Variants in IL37 observed in about 807,000 individuals in gnomAD.
The protein encoded by IL37 is interleukin-37.
Under a neutral mutation model 15.4 loss-of-function variants are expected in IL37, and 15 were observed. That is an observed-to-expected ratio of 0.98 (90% CI 0.65 to 1.50). The LOEUF (loss-of-function observed/expected upper bound fraction) is 1.50, where lower values mean the gene tolerates loss of function less well. Among genes scored for constraint, IL37 ranks in the 40% most tolerant of loss-of-function variants. The pLI is 0.00. For synonymous variants in IL37, 98 were observed against 97.4 expected (o/e 1.01, Z -0.03); for missense variants, 269 against 261.7 (o/e 1.03, Z -0.19).
chr2:112,916,395 C>G (rs953686553), intron 3 of IL37, among the ~76,000 whole-genome samples: 3 of 152,190 alleles, frequency 2.0e-5, no homozygotes, highest in African/African-American at 7.2e-5. Flanking sequence ...TCTAGGCAGG[C>G]CTGGCCCAAA....
At chr2:112,917,559 GC>G in intron 4 of IL37, 75 bp from the exon 5 acceptor site, 1 of 1,426,368 alleles carries the variant, frequency 7.0e-7, no homozygotes, top group Non-Finnish European at 9.5e-7. Context: ...TGTGCATCAG[GC>G]CTGAAACCCC....
chr2:112,913,258 G>A (rs1683217974), intron 2 of IL37, among the ~76,000 whole-genome samples, 164 bp downstream of exon 2: 1 of 152,226 alleles, frequency 6.6e-6, no homozygotes, highest in South Asian at 2.1e-4. Flanking sequence ...TTCTGGAAGG[G>A]AAAAGGAAGC....
chr2:112,918,851 A>G lies in IL37; in HGVS notation c.*42A>G, dbSNP rs201676487. 749 of 1,578,390 alleles carry G rather than the reference A, an allele frequency of 4.7e-4. 1 individual carries two copies. The highest frequency in any genetic ancestry group is 6.1e-4 in the Non-Finnish European group (712 of 1,159,306). Reference sequence around the variant, plus strand: ...ACGCCTTCCTCGCTAATTTGAACTAATTGTATAAAAACACCAAACCTGCTC... The same window carrying G: ...ACGCCTTCCTCGCTAATTTGAACTAGTTGTATAAAAACACCAAACCTGCTC... On this transcript the variant is annotated 3_prime_UTR_variant, in exon 6 of 6. Transcript: ENST00000263326.
chr2:112,918,813 A>G lies in IL37; in HGVS notation c.*4A>G, dbSNP rs1376938826. On this transcript the variant is annotated 3_prime_UTR_variant, in exon 6 of 6. Transcript: ENST00000263326. ...CCCCAGTGAGGTCAGCGATTAGGAA[A>G]CTGCCCCATTGAACGCCTTCCTCGC... 1.2e-6 allele frequency: 2 copies of G among 1,607,150 alleles called. No homozygotes were observed. The highest frequency in any genetic ancestry group is 1.1e-5 in the South Asian group (1 of 90,938).
At chr2:112,917,290 AG>A in intron 4 of IL37, 42 bp downstream of exon 4, 3 of 1,609,396 alleles carry the variant, frequency 1.9e-6, no homozygotes, top group Non-Finnish European at 2.5e-6. Context: ...TCCACCTAGC[AG>A]GGGTAAGGCC....
intron 3 of IL37, among the ~76,000 whole-genome samples, chr2:112,914,293 C>T (rs886209801): frequency 6.6e-6 from 1 of 152,184 alleles, no homozygotes; most frequent in African/African-American, 2.4e-5. Context: ...CCACAACACC[C>T]TAATAGGAAA....
chr2:112,917,706 G>T lies in IL37; in HGVS notation c.337G>T (p.Val113Phe), dbSNP rs748515156. ...AEKGSPILLGVSKGEFCLYCD... is the reference protein window; with the variant it reads ...AEKGSPILLGFSKGEFCLYCD... ...GAAAGGAAGTCCGATTCTCCTGGGG[G>T]TCTCTAAAGGGGAGTTTTGTCTCTA... Residue 113 changes from valine (V) to phenylalanine (F), a missense_variant, in exon 5 of 6, where the codon GTC becomes TTC. Coordinates refer to ENST00000263326, the MANE Select transcript of IL37 (RefSeq NM_014439.4). The T allele has an allele frequency of 1.2e-6, 2 of 1,613,618 alleles. No individual in the cohort carries two copies. The highest frequency in any genetic ancestry group is 1.3e-5 in the African/African-American group (1 of 75,014).
chr2:112,915,869 G>A (rs979403834), intron 3 of IL37, among the ~76,000 whole-genome samples: 2 of 152,198 alleles, frequency 1.3e-5, no homozygotes, highest in African/African-American at 4.8e-5. Context: ...CTGCTCCTGG[G>A]GAGCTTACAG....
chr2:112,918,850 A>G lies in IL37; in HGVS notation c.*41A>G. On this transcript the variant is annotated 3_prime_UTR_variant, in exon 6 of 6. Transcript: ENST00000263326. ...AACGCCTTCCTCGCTAATTTGAACT[A>G]ATTGTATAAAAACACCAAACCTGCT... is the stretch of plus-strand genomic sequence containing the variant. 1.3e-6 allele frequency: 2 copies of G among 1,578,632 alleles called. No individual in the cohort carries two copies. The highest frequency in any genetic ancestry group is 2.3e-5 in the East Asian group (1 of 44,430).
chr2:112,917,546 G>A, intron 4 of IL37, 89 bp from the exon 5 acceptor site: 8 of 1,293,102 alleles, frequency 6.2e-6, no homozygotes, highest in Non-Finnish European at 7.5e-6. Flanking sequence ...AAGGGAGAGG[G>A]ACTGTGCATC....
At chr2:112,916,943 A>T (rs2104978805) in intron 3 of IL37, among the ~76,000 whole-genome samples, 186 bp from the exon 4 acceptor site, 1 of 152,356 alleles carries the variant, frequency 6.6e-6, no homozygotes, top group South Asian at 2.1e-4. Context: ...TTGCTTGCAC[A>T]GAAAGCTTAA....
intron 3 of IL37, among the ~76,000 whole-genome samples, 199 bp downstream of exon 3, chr2:112,914,053 G>A (rs978749891): frequency 3.3e-5 from 5 of 152,138 alleles, no homozygotes; most frequent in Non-Finnish European, 7.4e-5. Flanking sequence ...CCGGGGAGGG[G>A]CAGGTGATGC....
chr2:112,911,288 A>G (rs1045384448), intron 1 of IL37, among the ~76,000 whole-genome samples, 40 bp downstream of exon 1: 1 of 152,302 alleles, frequency 6.6e-6, no homozygotes. Flanking sequence ...GGCCAACAGG[A>G]TGGATGGGGA....
chr2:112,917,875 G>A, intron 5 of IL37, 98 bp downstream of exon 5: 1 of 1,320,918 alleles, frequency 7.6e-7, no homozygotes, highest in South Asian at 1.2e-5. Flanking sequence ...TCTTATCTTG[G>A]CCAATATAAC....
intron 3 of IL37, among the ~76,000 whole-genome samples, chr2:112,916,184 T>C (rs1408116260): frequency 6.6e-6 from 1 of 152,244 alleles, no homozygotes; most frequent in East Asian, 1.9e-4. Context: ...ACCCATATTA[T>C]AGCTTCACAT....
intron 3 of IL37, chr2:112,915,402 C>G: frequency 1.5e-6 from 1 of 676,116 alleles, no homozygotes. Context: ...CCAGGTGATT[C>G]CCAGTGTGCA....
chr2:112,918,193 T>A (rs1247782720), intron 5 of IL37, among the ~76,000 whole-genome samples: 1 of 23,656 alleles, frequency 4.2e-5, no homozygotes, highest in Non-Finnish European at 3.4e-3. Context: ...TAGTCCTGGA[T>A]GGAGCACCTT....
rs1324701976 is a variant in IL37 at position 112,911,259 on chromosome 2, C to G, written c.-51+11C>G. On this transcript the variant is annotated intron_variant, in intron 1 of 5. Transcript: ENST00000263326. ...GGATCCCTGGCCCAGGTAGGTGGTC[C>G]TCCTGCACTGGCTTTCAAGGCCAAC... Among the ~76,000 whole-genome samples, 1 of 152,236 alleles carries G rather than the reference C, an allele frequency of 6.6e-6. No homozygotes were observed. Among genetic ancestry groups the G allele is most frequent in the Non-Finnish European group, 1.5e-5 (1 of 68,044 alleles).
intron 4 of IL37, 97 bp from the exon 5 acceptor site, chr2:112,917,538 G>T: frequency 8.0e-7 from 1 of 1,245,346 alleles, no homozygotes; most frequent in Non-Finnish European, 1.1e-6. Context: ...ACAGAGTCAA[G>T]GGAGAGGGAC....
Sources: allele counts gnomAD v4.1 joint callset (sites outside exome capture counted in the v4.1 genomes callset), GRCh38; gene constraint gnomAD v4.1.1; transcripts MANE v1.5; gene names NCBI Gene and HGNC (gene_info 2026-07-23, HGNC 2026-07-21).